The following DIP2A variants were observed in gnomAD, a reference collection of about 807,000 sequenced individuals.
The protein encoded by DIP2A is DIP2 acetate--CoA ligase A, also known as disco-interacting protein 2 homolog A.
Under a neutral mutation model 177.4 loss-of-function variants are expected in DIP2A, and 85 were observed. The ratio of observed to expected loss-of-function variants is 0.48; its 90% CI spans 0.40 to 0.57. The LOEUF is 0.57. Among genes scored for constraint, DIP2A ranks in the 20% least tolerant of loss-of-function variants. The probability of loss-of-function intolerance (pLI) is 0.00; values close to 1 mark genes in which losing one functional copy is unlikely to be tolerated. For missense variants in DIP2A, 1,791 were observed against 2,100.2 expected, an observed-to-expected ratio of 0.85 and a Z score of 2.88; for synonymous variants, 886 against 881.8, an observed-to-expected ratio of 1.00 and a Z score of -0.08.
intron 36 of DIP2A, 150 bp from the exon 37 acceptor site, chr21:46,566,410 C>A: frequency 9.6e-7 from 1 of 1,042,168 alleles, no homozygotes; most frequent in Non-Finnish European, 1.4e-6. Flanking sequence ...GGACCTCCAT[C>A]ACCCTTTCTG....
At chr21:46,489,099 G>A (rs6518295) in intron 2 of DIP2A, among the ~76,000 whole-genome samples, 24,168 of 151,508 alleles carry the variant, frequency 0.16, 2,159 homozygotes, top group African/African-American at 0.21. Flanking sequence ...ACAAACACAC[G>A]TGTGTGTGTG....
intron 8 of DIP2A, among the ~76,000 whole-genome samples, chr21:46,514,486 T>G (rs1455734824): frequency 6.6e-6 from 1 of 152,072 alleles, no homozygotes; most frequent in African/African-American, 2.4e-5. Flanking sequence ...CTAAGTTAAC[T>G]TATTAGTTCT....
In DIP2A at chr21:46,505,171, G is replaced by A. The variant is rs2057906933; in HGVS notation, c.784+682G>A. On this transcript the variant is annotated intron_variant, in intron 6 of 37. Coordinates refer to ENST00000417564, the MANE Select transcript of DIP2A (RefSeq NM_015151.4). Reference sequence around the variant, plus strand: ...GAGGGCTTTCATCTCCTTGTCCAGAGGCAGAAGAAAAATACTGAATCAACA... The same window carrying A: ...GAGGGCTTTCATCTCCTTGTCCAGAAGCAGAAGAAAAATACTGAATCAACA... 6.6e-5 allele frequency among the ~76,000 whole-genome samples: 10 copies of A among 152,108 alleles called. 1 individual carries two copies. In the South Asian group the frequency reaches 2.1e-3, roughly 32 times the overall value.
chr21:46,489,231 C>G (rs1416512597), intron 2 of DIP2A, among the ~76,000 whole-genome samples: 2 of 152,220 alleles, frequency 1.3e-5, no homozygotes, highest in Non-Finnish European at 2.9e-5. Context: ...CTGACCACCC[C>G]AAAATGTACA....
At chr21:46,546,754 A>T (rs1273315195) in intron 20 of DIP2A, among the ~76,000 whole-genome samples, 161 bp from the exon 21 acceptor site, 1 of 152,148 alleles carries the variant, frequency 6.6e-6, no homozygotes, top group Non-Finnish European at 1.5e-5. Context: ...AGCTTGTCAC[A>T]GGGCCTGCGT....
intron 21 of DIP2A, among the ~76,000 whole-genome samples, chr21:46,549,158 C>G (rs986252686): frequency 1.3e-5 from 2 of 151,954 alleles, no homozygotes; most frequent in African/African-American, 4.8e-5. Context: ...ACACACCAGT[C>G]AAGTCAAAGG....
At chr21:46,531,865 C>G (rs1342276383) in intron 9 of DIP2A, among the ~76,000 whole-genome samples, 1 of 152,186 alleles carries the variant, frequency 6.6e-6, no homozygotes, top group East Asian at 1.9e-4. Flanking sequence ...TTCCAGACCT[C>G]AAGTACAGAA....
chr21:46,509,414 G>T, intron 7 of DIP2A, 38 bp downstream of exon 7: 1 of 1,579,432 alleles, frequency 6.3e-7, no homozygotes, highest in Non-Finnish European at 8.6e-7. Context: ...CTGTTTGTAT[G>T]AAAAGGGTGG....
In DIP2A at chr21:46,557,576, C is replaced by T; in HGVS notation, c.3630-9C>T. 1 of 1,602,732 alleles carries T rather than the reference C, an allele frequency of 6.2e-7. No individual in the cohort carries two copies. Among genetic ancestry groups the T allele is most frequent in the African/African-American group, 1.3e-5 (1 of 74,846 alleles). On this transcript the variant is annotated splice_polypyrimidine_tract_variant and intron_variant, in intron 30 of 37. Transcript: ENST00000417564. This position sits in a 1 kb window ranked among gnomAD's most constrained non-coding sequence, Gnocchi z 6.0. ...GCGGGCGGAGCCTCACGAGCCTTCC[C>T]TCTCGCAGTGTCTACTCGGGACACC...
intron 22 of DIP2A, 105 bp downstream of exon 22, chr21:46,549,990 G>C: frequency 6.4e-7 from 1 of 1,552,928 alleles, no homozygotes; most frequent in Non-Finnish European, 8.7e-7. Flanking sequence ...GTCCTCCCTG[G>C]CTCCAGCTTT....
rs2059379445 is a variant in DIP2A at position 46,532,107 on chromosome 21, A to T, written c.1195-20A>T. On this transcript the variant is annotated intron_variant, in intron 9 of 37. Coordinates refer to ENST00000417564, the MANE Select transcript of DIP2A (RefSeq NM_015151.4). ...TAAAAATTGGAAATTTGGAATATTC[A>T]TTTCTTTGTCCTGTTGTAGGTGGCG... 1 of 1,596,704 alleles carries T rather than the reference A, an allele frequency of 6.3e-7. No homozygotes were observed.
chr21:46,496,533 A>G (rs2057370487), intron 3 of DIP2A, among the ~76,000 whole-genome samples: 1 of 152,250 alleles, frequency 6.6e-6, no homozygotes, highest in Non-Finnish European at 1.5e-5. Context: ...CCTGGGCCAC[A>G]CATAAAATAC....
chr21:46,504,208 T>C (rs2148576001), intron 5 of DIP2A, 153 bp from the exon 6 acceptor site: 1 of 1,045,498 alleles, frequency 9.6e-7, no homozygotes, highest in Admixed American at 2.1e-5. Flanking sequence ...AGTATGCCTT[T>C]GGTCAGCCAA....
chr21:46,506,960 C>T (rs1211672778), intron 6 of DIP2A, among the ~76,000 whole-genome samples: 1 of 151,782 alleles, frequency 6.6e-6, no homozygotes, highest in Non-Finnish European at 1.5e-5. Context: ...GCCACGATGC[C>T]TGGCTAATTT....
At chr21:46,526,389 G>C (rs73152857) in intron 8 of DIP2A, among the ~76,000 whole-genome samples, 23,899 of 139,108 alleles carry the variant, frequency 0.17, 2,196 homozygotes, top group African/African-American at 0.23. Flanking sequence ...CATCAAAAAC[G>C]TTCATTCCTT....
At chr21:46,461,361 A>G (rs1316235094) in intron 1 of DIP2A, among the ~76,000 whole-genome samples, 2 of 151,318 alleles carry the variant, frequency 1.3e-5, no homozygotes, top group African/African-American at 4.8e-5. Flanking sequence ...ACAAACTTAA[A>G]TTAGGAATGG....
At chr21:46,508,189 A>AT (rs2058115095) in intron 6 of DIP2A, among the ~76,000 whole-genome samples, 1 of 151,640 alleles carries the variant, frequency 6.6e-6, no homozygotes, top group Non-Finnish European at 1.5e-5. Context: ...ACAAGCCACC[A>AT]CATCCAGATA....
In DIP2A at chr21:46,563,563, G is replaced by C. The variant is rs549955915; in HGVS notation, c.4090-295G>C. On this transcript the variant is annotated intron_variant, in intron 34 of 37. Transcript: ENST00000417564. The surrounding 1 kb of genome is among the most constrained non-coding windows in gnomAD (Gnocchi z 4.3). The stretch of plus-strand genomic sequence containing the variant: ...CCCTGGATGGATGCCCATCAGGTGC[G>C]CTGGCATCACCTGGCTGATTGTCTT... 8.1e-6 allele frequency: 3 copies of C among 370,066 alleles called. No homozygotes were observed. In the Admixed American group the frequency reaches 1.2e-4, roughly 15 times the overall value. The allele number at this position is 370,066 out of a possible 1,614,324, so 22.9% of individuals were successfully genotyped here.
intron 1 of DIP2A, among the ~76,000 whole-genome samples, chr21:46,483,199 C>T (rs1157181706): frequency 1.3e-5 from 2 of 152,000 alleles, no homozygotes; most frequent in Non-Finnish European, 2.9e-5. Context: ...TAATATGATG[C>T]CATTCGGGTC....
Sources: gnomAD v4.1 joint callset for allele counts (sites outside exome capture counted in the v4.1 genomes callset) on GRCh38, gnomAD v4.1.1 for gene constraint, Gnocchi (gnomAD v3.1) non-coding constraint, MANE v1.5 for transcripts, NCBI Gene and HGNC (gene_info 2026-07-23, HGNC 2026-07-21) for gene names.